MGST1: variants seen among roughly 807,000 people sequenced by gnomAD.
MGST1 encodes the protein glutathione S-transferase 12.
A neutral mutation model predicts 8.9 loss-of-function variants in MGST1; 5 were observed. That is an observed-to-expected ratio of 0.56 (90% confidence interval 0.29 to 1.19). MGST1 has a LOEUF of 1.19. Among genes scored for constraint, MGST1 ranks in the 50% most tolerant of loss-of-function variants. MGST1 has a pLI of 0.08. For missense variants in MGST1, 182 were observed against 187.4 expected, an observed-to-expected ratio of 0.97 and a Z score of 0.17; for synonymous variants, 54 against 67.8, an observed-to-expected ratio of 0.80 and a Z score of 1.00.
At chr12:16,564,952 A>C (rs548075154) in intron 4 of MGST1, among the ~76,000 whole-genome samples, 7 of 152,080 alleles carry the variant, frequency 4.6e-5, no homozygotes, top group African/African-American at 1.7e-4. Flanking sequence ...GACTTGGCTA[A>C]TTTTTAAAAA....
chr12:16,540,464 C>G (rs1565471849), intron 4 of MGST1, among the ~76,000 whole-genome samples: 1 of 152,004 alleles, frequency 6.6e-6, no homozygotes, highest in Non-Finnish European at 1.5e-5. Context: ...AATATGTGTT[C>G]TTAGATGCAT....
rs112421635 is a variant in MGST1, at chr12:16,397,469, A to G, written n.778+13865A>G. Among the ~76,000 whole-genome samples the G allele has an allele frequency of 4.1e-3, 629 of 152,282 alleles. 3 individuals carry two copies. Among genetic ancestry groups the G allele is most frequent in the African/African-American group, 0.014 (599 of 41,576 alleles). On this transcript the variant is annotated intron_variant and non_coding_transcript_variant, in intron 1 of 1. Coordinates refer to the MGST1 transcript ENST00000359720. ...AGAACTTCTGCACAGCTAAAGGAACAGTCAGCAGAGTAAACAGACAACACA... is the reference window on the plus strand; with the variant it reads ...AGAACTTCTGCACAGCTAAAGGAACGGTCAGCAGAGTAAACAGACAACACA...
intron 1 of MGST1, among the ~76,000 whole-genome samples, chr12:16,406,259 A>G (rs1940697212): frequency 6.6e-6 from 1 of 152,124 alleles, no homozygotes. Flanking sequence ...TAGCATTCCT[A>G]TAAACCAATA....
intron 4 of MGST1, among the ~76,000 whole-genome samples, chr12:16,524,966 C>A (rs560955289): frequency 6.6e-6 from 1 of 151,996 alleles, no homozygotes. Flanking sequence ...CTATAGATGG[C>A]CACTGTTATT....
At chr12:16,447,876 T>C (rs906456244) in intron 4 of MGST1, among the ~76,000 whole-genome samples, 7 of 152,006 alleles carry the variant, frequency 4.6e-5, no homozygotes, top group African/African-American at 1.7e-4. Context: ...AAGAACTTAA[T>C]TTCAAAGCTG....
chr12:16,533,605 A>T (rs991280341), intron 4 of MGST1, among the ~76,000 whole-genome samples: 2 of 152,114 alleles, frequency 1.3e-5, no homozygotes, highest in African/African-American at 4.8e-5. Context: ...ATATTCTAGG[A>T]TGGTAAACTG....
chr12:16,464,283 CT>C (rs1270691739), intron 4 of MGST1, among the ~76,000 whole-genome samples: 9 of 152,162 alleles, frequency 5.9e-5, no homozygotes, highest in Admixed American at 1.3e-4. Flanking sequence ...TTATCTAATG[CT>C]GCAGACAGGC....
chr12:16,400,134 A>G, intron 1 of MGST1: 3 of 1,466,516 alleles, frequency 2.0e-6, no homozygotes, highest in Non-Finnish European at 1.9e-6. Context: ...CCATCTGCTC[A>G]GCATAGAGGT....
At chr12:16,348,283 A>G (rs1939290354) in intron 1 of MGST1, among the ~76,000 whole-genome samples, 1 of 152,224 alleles carries the variant, frequency 6.6e-6, no homozygotes, top group Non-Finnish European at 1.5e-5. Flanking sequence ...GGGTTAGATG[A>G]TAATATTTTT....
At chr12:16,465,703 A>G (rs913263549) in intron 4 of MGST1, among the ~76,000 whole-genome samples, 1 of 152,242 alleles carries the variant, frequency 6.6e-6, no homozygotes, top group African/African-American at 2.4e-5. Flanking sequence ...TAATAATAAT[A>G]GAAATAAAGT....
chr12:16,365,178 T>C (rs1184267584), downstream of MGST1, among the ~76,000 whole-genome samples: 2 of 152,160 alleles, frequency 1.3e-5, no homozygotes, highest in African/African-American at 4.8e-5. Context: ...GCATATCCTG[T>C]CTCCCCACAA....
At chr12:16,382,520 C>T (rs576153204), upstream of MGST1, among the ~76,000 whole-genome samples, 1 of 152,208 alleles carries the variant, frequency 6.6e-6, no homozygotes, top group South Asian at 2.1e-4. Flanking sequence ...GAGGAGTACC[C>T]GGCCGTGTGA....
chr12:16,351,368 C>T (rs1939455266), intron 1 of MGST1, among the ~76,000 whole-genome samples: 1 of 152,138 alleles, frequency 6.6e-6, no homozygotes. Flanking sequence ...TATTATATTG[C>T]ACTGAGAGCT....
chr12:16,568,669 C>T (rs11056999), intron 4 of MGST1, among the ~76,000 whole-genome samples: 54,156 of 152,086 alleles, frequency 0.36, 10,278 homozygotes, highest in African/African-American at 0.49. Context: ...GGATACATTG[C>T]ATTAAATACG....
At chr12:16,502,655 G>A (rs745788456) in intron 4 of MGST1, among the ~76,000 whole-genome samples, 2 of 152,146 alleles carry the variant, frequency 1.3e-5, no homozygotes, top group African/African-American at 2.4e-5. Context: ...AAAAAACACT[G>A]AAGTCAAACA....
chr12:16,520,554 G>C (rs1941642040), intron 4 of MGST1, among the ~76,000 whole-genome samples: 1 of 152,022 alleles, frequency 6.6e-6, no homozygotes, highest in African/African-American at 2.4e-5. Context: ...AGTAAGAATG[G>C]GGAAGATGTG....
chr12:16,411,856 G>T (rs1017984239), intron 1 of MGST1, among the ~76,000 whole-genome samples: 1 of 151,964 alleles, frequency 6.6e-6, no homozygotes, highest in African/African-American at 2.4e-5. Context: ...TAATATTCAG[G>T]CTCAAACACT....
chr12:16,412,114 C>T (rs146248995), intron 1 of MGST1, among the ~76,000 whole-genome samples: 2 of 152,220 alleles, frequency 1.3e-5, no homozygotes, highest in South Asian at 2.1e-4. Flanking sequence ...GCAGTGTGGA[C>T]ATTGAGGCTA....
At chr12:16,486,776 G>A (rs1021175897) in intron 4 of MGST1, among the ~76,000 whole-genome samples, 2 of 152,178 alleles carry the variant, frequency 1.3e-5, no homozygotes, top group African/African-American at 4.8e-5. Context: ...ATCATGTCAC[G>A]TAGCTGAATT....
Sources: allele counts gnomAD v4.1 joint callset (sites outside exome capture counted in the v4.1 genomes callset), GRCh38; gene constraint gnomAD v4.1.1; transcripts MANE v1.5; gene names NCBI Gene and HGNC (gene_info 2026-07-23, HGNC 2026-07-21).